The following PTPN13 variants were observed in gnomAD, a reference collection of about 807,000 sequenced individuals.
PTPN13 encodes protein tyrosine phosphatase non-receptor type 13.
PTPN13 carries 191 observed loss-of-function variants against 284.0 expected under a neutral mutation model. That is an observed-to-expected ratio of 0.67 (90% CI 0.60 to 0.76). PTPN13 has a LOEUF of 0.76. PTPN13 is among the 30% of genes least tolerant of loss of function. The pLI is 0.00. For synonymous variants in PTPN13, 986 were observed against 1,022.3 expected (o/e 0.96, Z 0.68); for missense variants, 2,797 against 2,939.9 (o/e 0.95, Z 1.12).
At chr4:86,625,750 G>A (rs1721765425) in intron 1 of PTPN13, among the ~76,000 whole-genome samples, 1 of 152,102 alleles carries the variant, frequency 6.6e-6, no homozygotes, top group Non-Finnish European at 1.5e-5. Context: ...CCACCCTTAG[G>A]TCCTTGCGAT....
chr4:86,772,812 G>A lies in PTPN13; in HGVS notation c.5203G>A (p.Gly1735Arg). The change falls in exon 32 of 48, where the codon GGG (glycine) becomes AGG (arginine). Residue 1735 changes from glycine to arginine, a missense_variant. Physicochemically the swap from Gly to Arg is moderately radical, Grantham distance 125. Coordinates refer to ENST00000411767, the MANE Select transcript of PTPN13 (RefSeq NM_080683.3). ...CCCTCTACCACCGGATATGGCTCCTGGGCAGAGTTATCAACCCCAATCAGA... is the reference window on the plus strand; with the variant it reads ...CCCTCTACCACCGGATATGGCTCCTAGGCAGAGTTATCAACCCCAATCAGA... Reference protein sequence around the residue: ...PSPLPPDMAPGQSYQPQSESA... With the variant: ...PSPLPPDMAPRQSYQPQSESA... 2 of 1,612,300 alleles carry A rather than the reference G, an allele frequency of 1.2e-6. No homozygotes were observed. The highest frequency in any genetic ancestry group is 2.2e-5 in the East Asian group (1 of 44,792).
intron 6 of PTPN13, 27 bp from the exon 7 acceptor site, chr4:86,701,214 A>G: frequency 6.8e-7 from 1 of 1,474,556 alleles, no homozygotes; most frequent in Non-Finnish European, 9.1e-7. Context: ...AATTGTGTGC[A>G]TACATGATAG....
At chr4:86,792,276 TA>T (rs1377494527) in intron 40 of PTPN13, among the ~76,000 whole-genome samples, 2 of 151,958 alleles carry the variant, frequency 1.3e-5, no homozygotes, top group Non-Finnish European at 2.9e-5. Context: ...AAGATCAAAT[TA>T]ATGAAATAAA....
At chr4:86,608,831 T>G (rs1269255567) in intron 1 of PTPN13, among the ~76,000 whole-genome samples, 2 of 152,184 alleles carry the variant, frequency 1.3e-5, no homozygotes, top group Admixed American at 1.3e-4. Context: ...TATGACCAAG[T>G]CTTCATTACA....
In PTPN13 at chr4:86,735,817, A is replaced by G. The variant is rs1439569364; in HGVS notation, c.2304+71A>G. 7 of 1,402,664 alleles carry G rather than the reference A, an allele frequency of 5.0e-6. No homozygotes were observed. In the South Asian group the frequency reaches 7.0e-5, roughly 14 times the overall value. 86.9% of individuals were successfully genotyped at this position (1,402,664 alleles called of 1,614,324 possible). A position where few individuals can be genotyped will look rare whatever the true frequency, so the allele number is the denominator to read the frequency against. ...GTAAGCAAGAAGTGTTAGAGGACAC[A>G]TATCTAAGAGTTCAAGTGCCAGTAA... On this transcript the variant is annotated intron_variant, in intron 15 of 47. Coordinates refer to ENST00000411767, the MANE Select transcript of PTPN13 (RefSeq NM_080683.3).
chr4:86,707,853 T>C (rs1731942575), intron 7 of PTPN13, among the ~76,000 whole-genome samples: 1 of 152,180 alleles, frequency 6.6e-6, no homozygotes, highest in African/African-American at 2.4e-5. Context: ...AAATACCACA[T>C]GTATTTCAGG....
chr4:86,751,468 C>T (rs201056398), intron 19 of PTPN13, among the ~76,000 whole-genome samples: 1 of 152,188 alleles, frequency 6.6e-6, no homozygotes, highest in East Asian at 1.9e-4. Flanking sequence ...ACTACAGGAA[C>T]GCAGTACCAC....
chr4:86,617,487 C>G lies in PTPN13; in HGVS notation c.-5-17765C>G, dbSNP rs572983323. Among the ~76,000 whole-genome samples the G allele has an allele frequency of 3.3e-5, 5 of 152,168 alleles. No homozygotes were observed. The East Asian group carries it at 9.7e-4, about 29-fold the overall frequency. ...ATGTGCACAATGTGCAGGTTTGTTA[C>G]ACATGTACACATGTACCATGTTGGT... On this transcript the variant is annotated intron_variant, in intron 1 of 47. Transcript: ENST00000411767.
intron 2 of PTPN13, among the ~76,000 whole-genome samples, chr4:86,655,191 A>G (rs1198996608): frequency 1.3e-5 from 2 of 152,094 alleles, no homozygotes; most frequent in East Asian, 1.9e-4. Flanking sequence ...TTGATTCTTT[A>G]TCCAATTTGC....
chr4:86,789,126 A>C (rs1307086454), intron 40 of PTPN13, among the ~76,000 whole-genome samples: 2 of 152,220 alleles, frequency 1.3e-5, no homozygotes, highest in African/African-American at 4.8e-5. Flanking sequence ...GGTGTCTTGA[A>C]AGCTAAACCT....
chr4:86,701,342 A>G lies in PTPN13; in HGVS notation c.736A>G (p.Ile246Val), dbSNP rs774311904. The G allele has an allele frequency of 1.3e-5, 21 of 1,612,784 alleles. No individual in the cohort carries two copies. In the South Asian group the frequency reaches 2.2e-4, roughly 17 times the overall value. ...TAGTAAATCTATGGGATTTCTGTCC[A>G]TCAAAGATACACAAGATGAGAATTA... The part of the protein sequence containing the change: ...GLSKSMGFLS[I>V]KDTQDENYFK... Residue 246 changes from isoleucine (I) to valine (V), a missense_variant, in exon 7 of 48, where the codon ATC becomes GTC. By Grantham distance (29) the Ile-to-Val change is conservative. Coordinates refer to ENST00000411767, the MANE Select transcript of PTPN13 (RefSeq NM_080683.3).
At chr4:86,770,963 ATAC>A (rs1445002266) in intron 30 of PTPN13, among the ~76,000 whole-genome samples, 5 of 152,206 alleles carry the variant, frequency 3.3e-5, no homozygotes, top group African/African-American at 1.2e-4. Flanking sequence ...AAAATATATA[ATAC>A]TACTGTAGTT....
chr4:86,782,152 T>C (rs777394045), intron 36 of PTPN13, 49 bp from the exon 37 acceptor site: 3 of 1,324,334 alleles, frequency 2.3e-6, no homozygotes, highest in Admixed American at 1.8e-5. Context: ...GATGTCCCTC[T>C]TGTGGTTTGG....
intron 38 of PTPN13, 135 bp from the exon 39 acceptor site, chr4:86,785,095 CT>C: frequency 1.6e-6 from 1 of 629,642 alleles, no homozygotes; most frequent in East Asian, 3.0e-5. Context: ...GTGTAAACTA[CT>C]TTTCCAGTCA....
At chr4:86,728,643 CTT>C (rs57773658) in intron 10 of PTPN13, among the ~76,000 whole-genome samples, 5 of 24,494 alleles carry the variant, frequency 2.0e-4, no homozygotes, top group African/African-American at 3.0e-4. Context: ...CAACCCCTGC[CTT>C]TTTTTTTTTT....
chr4:86,754,314 T>C (rs936658732), intron 20 of PTPN13, among the ~76,000 whole-genome samples: 1 of 152,058 alleles, frequency 6.6e-6, no homozygotes, highest in Admixed American at 6.6e-5. Flanking sequence ...ACTCCTTACA[T>C]GGACTGAATT....
rs1344242024 is a variant in PTPN13 at position 86,807,632 on chromosome 4, G to C, written c.6818G>C (p.Gly2273Ala). 6.2e-7 allele frequency: 1 copy of C among 1,613,942 alleles called. No individual in the cohort carries two copies. The highest frequency in any genetic ancestry group is 8.5e-7 in the Non-Finnish European group (1 of 1,179,880). Residue 2273 changes from glycine (G) to alanine (A), a missense_variant, in exon 45 of 48, where the codon GGG becomes GCG. Physicochemically the swap from Gly to Ala is moderately conservative, Grantham distance 60 (BLOSUM62 0). Transcript: ENST00000411767. ...GCCAGCTTCATTAAGATACCAGTTG[G>C]GAAAGAAGAGTTCGTTTACATTGCC... ...INASFIKIPV[G>A]KEEFVYIACQ...
intron 3 of PTPN13, among the ~76,000 whole-genome samples, chr4:86,679,525 C>T (rs924025098): frequency 2.0e-4 from 30 of 152,178 alleles, no homozygotes; most frequent in African/African-American, 6.8e-4. Context: ...GGAGGTGTGA[C>T]GCAGCCACCT....
intron 2 of PTPN13, among the ~76,000 whole-genome samples, chr4:86,638,097 A>C (rs1218976465): frequency 6.6e-5 from 10 of 152,296 alleles, no homozygotes; most frequent in East Asian, 1.9e-4. Flanking sequence ...AAGAGAATAA[A>C]ATACTTAGGA....
Sources: gnomAD v4.1 joint callset for allele counts (sites outside exome capture counted in the v4.1 genomes callset) on GRCh38, gnomAD v4.1.1 for gene constraint, MANE v1.5 for transcripts, NCBI Gene and HGNC (gene_info 2026-07-23, HGNC 2026-07-21) for gene names.